Variants in PRMT8 observed in about 807,000 individuals in gnomAD.
The protein encoded by PRMT8 is protein arginine N-methyltransferase 8.
In PRMT8, 7 loss-of-function variants were observed where a neutral mutation model predicts 47.1. That is an observed-to-expected ratio of 0.15 (90% CI 0.08 to 0.28). The LOEUF (loss-of-function observed/expected upper bound fraction) is 0.28, where lower values mean the gene tolerates loss of function less well. Among genes scored for constraint, PRMT8 ranks in the 10% least tolerant of loss-of-function variants. The probability of loss-of-function intolerance (pLI) is 1.00; values close to 1 mark genes in which losing one functional copy is unlikely to be tolerated. For synonymous variants in PRMT8, 188 were observed against 186.5 expected, an observed-to-expected ratio of 1.01 and a Z score of -0.07; for missense variants, 237 against 505.4, an observed-to-expected ratio of 0.47 and a Z score of 5.09.
At chr12:3,478,114 T>C (rs1051954946) in intron 1 of PRMT8, among the ~76,000 whole-genome samples, 10 of 152,082 alleles carry the variant, frequency 6.6e-5, no homozygotes, top group African/African-American at 2.4e-4. Context: ...GGAAACTTAA[T>C]CGGACTTTGA....
intron 8 of PRMT8, among the ~76,000 whole-genome samples, chr12:3,585,345 CTTTTTT>C (rs71061123): frequency 8.7e-5 from 4 of 45,792 alleles, no homozygotes; most frequent in African/African-American, 1.8e-4. Flanking sequence ...GAAAATGATG[CTTTTTT>C]TTTTTTTTTT....
chr12:3,389,518 C>T (rs898012178), intron 1 of PRMT8, among the ~76,000 whole-genome samples: 1 of 152,096 alleles, frequency 6.6e-6, no homozygotes, highest in African/African-American at 2.4e-5. Flanking sequence ...ATTTGTTGTC[C>T]TCCTACCATA....
chr12:3,557,784 C>T lies in PRMT8; in HGVS notation c.481+4070C>T, dbSNP rs1866553406. ...TGTGTTTGTGTGGATGCAGAAGCAC[C>T]AGGAGTGCTGCTGAGCCTGAAAGCC... On this transcript the variant is annotated intron_variant, in intron 4 of 9. Transcript: ENST00000382622. This position sits in a 1 kb window ranked among gnomAD's most constrained non-coding sequence, Gnocchi z 4.7. Among the ~76,000 whole-genome samples the T allele has an allele frequency of 6.6e-6, 1 of 151,894 alleles. No individual in the cohort carries two copies. The highest frequency in any genetic ancestry group is 1.5e-5 in the Non-Finnish European group (1 of 67,956).
chr12:3,540,422 A>G (rs1866201471), intron 1 of PRMT8, among the ~76,000 whole-genome samples, 184 bp from the exon 2 acceptor site: 1 of 152,108 alleles, frequency 6.6e-6, no homozygotes, highest in African/African-American at 2.4e-5. Context: ...CCATCTCTGG[A>G]CAGATCACAG....
chr12:3,486,768 A>T (rs1387698783), upstream of PRMT8, among the ~76,000 whole-genome samples: 2 of 152,224 alleles, frequency 1.3e-5, no homozygotes, highest in Admixed American at 1.3e-4. Context: ...ATAAATGCAG[A>T]AGTATTATAC....
intron 6 of PRMT8, among the ~76,000 whole-genome samples, chr12:3,571,515 C>T (rs1250676235): frequency 6.6e-6 from 1 of 152,126 alleles, no homozygotes. Context: ...ATGCACATTG[C>T]AATGAGCCAG....
intron 7 of PRMT8, among the ~76,000 whole-genome samples, chr12:3,581,360 G>A (rs1014155834): frequency 3.3e-5 from 5 of 152,182 alleles, no homozygotes; most frequent in African/African-American, 1.2e-4. Context: ...ACAGAGGGAT[G>A]AGTGTGAACT....
chr12:3,402,084 T>C (rs547190973), intron 1 of PRMT8, among the ~76,000 whole-genome samples: 129 of 152,248 alleles, frequency 8.5e-4, no homozygotes, highest in African/African-American at 3.0e-3. Flanking sequence ...CAAACTATAC[T>C]ACACAGCTAC....
At chr12:3,461,372 A>G (rs1184433335) in intron 1 of PRMT8, among the ~76,000 whole-genome samples, 1 of 152,160 alleles carries the variant, frequency 6.6e-6, no homozygotes, top group Non-Finnish European at 1.5e-5. Flanking sequence ...TTGGAAAAGG[A>G]TGTGGAAACC....
At chr12:3,531,582 A>G (rs10848873) in intron 1 of PRMT8, among the ~76,000 whole-genome samples, 6,943 of 152,208 alleles carry the variant, frequency 0.046, 186 homozygotes, top group Middle Eastern at 0.11. Context: ...GTGCAATGCC[A>G]TTTTGATTTG....
upstream of PRMT8, among the ~76,000 whole-genome samples, chr12:3,490,675 A>AGAGAGAG (rs1865374699): frequency 1.7e-5 from 2 of 121,084 alleles, no homozygotes; most frequent in East Asian, 2.5e-4. Flanking sequence ...TTTGGGTACA[A>AGAGAGAG]AGAGAGAGAG....
intron 8 of PRMT8, among the ~76,000 whole-genome samples, chr12:3,588,295 G>A (rs1246430136): frequency 6.6e-6 from 1 of 152,194 alleles, no homozygotes; most frequent in African/African-American, 2.4e-5. Context: ...GAATTCTCTA[G>A]AGAATATAAT....
intron 7 of PRMT8, among the ~76,000 whole-genome samples, chr12:3,577,982 G>T (rs1452209043): frequency 3.3e-5 from 5 of 152,112 alleles, no homozygotes; most frequent in Non-Finnish European, 7.4e-5. Flanking sequence ...CTGTTCACAG[G>T]CTGGGTTGCC....
At chr12:3,469,556 C>G (rs1332358359) in intron 1 of PRMT8, among the ~76,000 whole-genome samples, 1 of 151,782 alleles carries the variant, frequency 6.6e-6, no homozygotes, top group East Asian at 1.9e-4. Context: ...TCATGGTTGC[C>G]GGGGGTTAGG....
intron 1 of PRMT8, among the ~76,000 whole-genome samples, chr12:3,468,330 G>A (rs951620972): frequency 2.6e-5 from 4 of 152,232 alleles, no homozygotes; most frequent in Non-Finnish European, 5.9e-5. Context: ...TCGGCCAGGA[G>A]GAGGAGATGT....
intron 1 of PRMT8, among the ~76,000 whole-genome samples, chr12:3,397,850 A>G (rs1403588591): frequency 6.6e-6 from 1 of 152,126 alleles, no homozygotes; most frequent in Non-Finnish European, 1.5e-5. Context: ...CTGCTGTGCT[A>G]GCAATCAGCG....
rs376435767 is a variant in PRMT8 at position 3,453,610 on chromosome 12, G to A, written c.48+72168G>A. Among the ~76,000 whole-genome samples the A allele has an allele frequency of 1.3e-5, 2 of 152,326 alleles. No homozygotes were observed. ...GCTGAGAATGAGGTGTCTGGGTCAG[G>A]AACTGGTGAGCGCGGTCAGGGGACA... On this transcript the variant is annotated intron_variant, in intron 1 of 9. Coordinates refer to the PRMT8 transcript ENST00000452611. This position sits in a 1 kb window ranked among gnomAD's most constrained non-coding sequence, Gnocchi z 4.9.
intron 4 of PRMT8, among the ~76,000 whole-genome samples, chr12:3,563,553 G>T (rs17769758): frequency 6.6e-6 from 1 of 151,110 alleles, no homozygotes; most frequent in Admixed American, 6.6e-5. Context: ...CTGACCAGCC[G>T]CAGGAGAAGG....
chr12:3,552,604 C>A lies in PRMT8; in HGVS notation c.418-1047C>A, dbSNP rs1866441719. 1.0e-5 allele frequency: 4 copies of A among 386,970 alleles called. No individual in the cohort carries two copies. The highest frequency in any genetic ancestry group is 2.1e-5 in the Non-Finnish European group (4 of 190,996). 24.0% of individuals were successfully genotyped at this position (386,970 alleles called of 1,614,324 possible). A position where few individuals can be genotyped will look rare whatever the true frequency, so the allele number is the denominator to read the frequency against. ...TGCAGCCTGAAGGCCAGGGACCTGGCAGCCCAGGAAAGGGCTGGTTCTCCT... is the reference window on the plus strand; with the variant it reads ...TGCAGCCTGAAGGCCAGGGACCTGGAAGCCCAGGAAAGGGCTGGTTCTCCT... On this transcript the variant is annotated intron_variant, in intron 3 of 9. Coordinates refer to ENST00000382622, the MANE Select transcript of PRMT8 (RefSeq NM_019854.5). The surrounding 1 kb of genome is among the most constrained non-coding windows in gnomAD (Gnocchi z 4.5).
Sources: allele counts gnomAD v4.1 joint callset (sites outside exome capture counted in the v4.1 genomes callset), GRCh38; gene constraint gnomAD v4.1.1; non-coding constraint Gnocchi (gnomAD v3.1); transcripts MANE v1.5; gene names NCBI Gene and HGNC (gene_info 2026-07-23, HGNC 2026-07-21).